The following CAMTA1 variants were observed in gnomAD, a reference collection of about 807,000 sequenced individuals.
CAMTA1 encodes the protein calmodulin binding transcription activator 1.
A neutral mutation model predicts 170.9 loss-of-function variants in CAMTA1; 27 were observed. The ratio of observed to expected loss-of-function variants is 0.16; its 90% confidence interval spans 0.12 to 0.22. The LOEUF (loss-of-function observed/expected upper bound fraction) is 0.22, where lower values mean the gene tolerates loss of function less well. CAMTA1 is among the 10% of genes least tolerant of loss of function. CAMTA1 has a pLI of 1.00. For missense variants in CAMTA1, 1,619 were observed against 2,217.2 expected (o/e 0.73, Z 5.42); for synonymous variants, 833 against 891.5 (o/e 0.93, Z 1.17).
At chr1:7,181,775 A>AAGAC (rs58094609) in intron 4 of CAMTA1, among the ~76,000 whole-genome samples, 98,060 of 151,082 alleles carry the variant, frequency 0.65, 32,577 homozygotes, top group African/African-American at 0.79. Flanking sequence ...CATCATAAAA[A>AAGAC]AGTTTGTCCC....
chr1:7,117,178 C>T (rs1394718426), intron 4 of CAMTA1, among the ~76,000 whole-genome samples: 1 of 151,366 alleles, frequency 6.6e-6, no homozygotes, highest in Non-Finnish European at 1.5e-5. Context: ...GCCATGTTGG[C>T]CAGGCTGGTC....
rs188707285 is a variant in CAMTA1 at position 7,099,475 on chromosome 1, G to A, written c.302+8104G>A. Reference sequence around the variant, plus strand: ...CAGCTCAATCCTGTTTCCCAGGGGCGGCTGCTCTCTGGTCTTTTGGTTCTG... The same window carrying A: ...CAGCTCAATCCTGTTTCCCAGGGGCAGCTGCTCTCTGGTCTTTTGGTTCTG... On this transcript the variant is annotated intron_variant, in intron 4 of 22. Coordinates refer to ENST00000303635, the MANE Select transcript of CAMTA1 (RefSeq NM_015215.4). Among the ~76,000 whole-genome samples the A allele has an allele frequency of 9.2e-5, 14 of 152,278 alleles. No homozygotes were observed. The East Asian group carries it at 9.6e-4, about 10-fold the overall frequency.
intron 1 of CAMTA1, among the ~76,000 whole-genome samples, chr1:6,805,410 A>G (rs1054307043): frequency 2.0e-5 from 3 of 152,232 alleles, no homozygotes; most frequent in Non-Finnish European, 2.9e-5. Flanking sequence ...AATTCTTTAT[A>G]TGTGTTCTAG....
intron 3 of CAMTA1, among the ~76,000 whole-genome samples, chr1:6,871,024 A>C (rs936437528): frequency 2.0e-5 from 3 of 152,192 alleles, no homozygotes; most frequent in Non-Finnish European, 4.4e-5. Flanking sequence ...CTATCCTTTT[A>C]AAAAACATAA....
chr1:7,422,815 T>C (rs1376796739), intron 5 of CAMTA1, among the ~76,000 whole-genome samples: 1 of 152,104 alleles, frequency 6.6e-6, no homozygotes, highest in Admixed American at 6.5e-5. Context: ...CCCCCCTACA[T>C]TGGGGTCTGC....
rs2094526455 is a variant in CAMTA1, at chr1:7,534,433, G to A, written c.510+66532G>A. Among the ~76,000 whole-genome samples the A allele has an allele frequency of 6.6e-6, 1 of 152,194 alleles. No homozygotes were observed. The highest frequency in any genetic ancestry group is 6.5e-5 in the Admixed American group (1 of 15,276). ...GGGAGGAGAAGCCACTGTGGATGGA[G>A]TGTTATTTGTCCAAATGAATTTGTG... On this transcript the variant is annotated intron_variant, in intron 6 of 22. Transcript: ENST00000303635. The surrounding 1 kb of genome is among the most constrained non-coding windows in gnomAD (Gnocchi z 5.6).
At chr1:7,518,553 G>A (rs552171914) in intron 6 of CAMTA1, among the ~76,000 whole-genome samples, 234 of 152,124 alleles carry the variant, frequency 1.5e-3, no homozygotes, top group South Asian at 0.012. Context: ...TGAACAGAGC[G>A]TGTTGTCGGG....
At chr1:7,298,369 G>T (rs1674283595) in intron 5 of CAMTA1, among the ~76,000 whole-genome samples, 1 of 152,156 alleles carries the variant, frequency 6.6e-6, no homozygotes, top group African/African-American at 2.4e-5. Context: ...TCACTGACAA[G>T]TTCCTGTGGA....
rs60524573 is a variant in CAMTA1, at chr1:7,353,410, CT to C, written c.438+103796del. Among the ~76,000 whole-genome samples, 1,174 of 134,744 alleles carry C rather than the reference CT, an allele frequency of 8.7e-3. 9 individuals carry two copies. Among genetic ancestry groups the C allele is most frequent in the African/African-American group, 0.024 (796 of 32,980 alleles). 88.4% of individuals were successfully genotyped at this position (134,744 alleles called of 152,430 possible). ...AACTTAATACAACCAAATCTGAACT[CT>C]TTTTTTTTTTTCTTTCTCTCTTTTT... On this transcript the variant is annotated intron_variant, in intron 5 of 22. Coordinates refer to ENST00000303635, the MANE Select transcript of CAMTA1 (RefSeq NM_015215.4).
intron 4 of CAMTA1, among the ~76,000 whole-genome samples, chr1:7,134,499 G>C (rs965850602): frequency 1.3e-5 from 2 of 151,984 alleles, no homozygotes; most frequent in Non-Finnish European, 2.9e-5. Context: ...TTTAGAGACA[G>C]GTCTCACTAT....
At chr1:7,103,636 CA>C (rs2148283247) in intron 4 of CAMTA1, among the ~76,000 whole-genome samples, 1 of 127,402 alleles carries the variant, frequency 7.8e-6, no homozygotes, top group African/African-American at 3.1e-5. Context: ...CAACTACACA[CA>C]CGCACACACA....
At chr1:6,962,987 T>A (rs1041561317) in intron 3 of CAMTA1, among the ~76,000 whole-genome samples, 3 of 148,106 alleles carry the variant, frequency 2.0e-5, no homozygotes, top group African/African-American at 7.5e-5. Flanking sequence ...CGTCTGGCCC[T>A]GCCCATTCCC....
At chr1:7,360,294 G>C (rs930641523) in intron 5 of CAMTA1, among the ~76,000 whole-genome samples, 2 of 152,214 alleles carry the variant, frequency 1.3e-5, no homozygotes, top group African/African-American at 2.4e-5. Flanking sequence ...GGTGCATCCT[G>C]TTCACATGGG....
At chr1:6,996,353 C>T (rs1189374454) in intron 3 of CAMTA1, among the ~76,000 whole-genome samples, 2 of 152,190 alleles carry the variant, frequency 1.3e-5, no homozygotes, top group Admixed American at 1.3e-4. Context: ...TTAGCAGATA[C>T]TTCGCTGAGT....
chr1:7,219,572 A>AAAG (rs1491097511), intron 4 of CAMTA1: 2 of 116,508 alleles, frequency 1.7e-5, no homozygotes, highest in South Asian at 3.1e-4. Context: ...AAAAAAAAAA[A>AAAG]GGAGACACAC....
At chr1:7,568,047 A>C (rs1351408448) in intron 6 of CAMTA1, among the ~76,000 whole-genome samples, 1 of 152,152 alleles carries the variant, frequency 6.6e-6, no homozygotes, top group Non-Finnish European at 1.5e-5. Flanking sequence ...TGATCAATAA[A>C]TGTTTACCAT....
rs752011665 is a variant in CAMTA1, at chr1:7,663,493, A to G, written c.946A>G (p.Ser316Gly). Residue 316 changes from serine to glycine, a missense_variant, in exon 9 of 23, where the codon AGC (serine) becomes GGC (glycine). Ser to Gly is a moderately conservative substitution (Grantham distance 56). This residue lies in a region of CAMTA1 where 731 missense variants were observed against 907.6 expected (regional missense o/e 0.81). Coordinates refer to ENST00000303635, the MANE Select transcript of CAMTA1 (RefSeq NM_015215.4). Reference sequence around the variant, plus strand: ...CGTGTCGGAGGGCAAGCACGAGCACAGCCACAGCAAGGGCTCCAGCCGTGA... The same window carrying G: ...CGTGTCGGAGGGCAAGCACGAGCACGGCCACAGCAAGGGCTCCAGCCGTGA... Reference protein sequence around the residue: ...NDVSEGKHEHSHSKGSSREKR... With the variant: ...NDVSEGKHEHGHSKGSSREKR... 2.0e-5 allele frequency: 32 copies of G among 1,599,378 alleles called. No individual in the cohort carries two copies. In the Middle Eastern group the frequency reaches 5.0e-4, roughly 25 times the overall value.
At chr1:7,255,353 G>A (rs974478571) in intron 5 of CAMTA1, among the ~76,000 whole-genome samples, 1 of 152,104 alleles carries the variant, frequency 6.6e-6, no homozygotes, top group African/African-American at 2.4e-5. Flanking sequence ...TGTGTCTTCG[G>A]TCTGTGGACA....
intron 5 of CAMTA1, among the ~76,000 whole-genome samples, chr1:7,356,554 G>A (rs1421482111): frequency 2.0e-5 from 3 of 152,182 alleles, no homozygotes; most frequent in Non-Finnish European, 4.4e-5. Flanking sequence ...GTGCATGAGT[G>A]ACTGCCACCG....
Sources: gnomAD v4.1 joint callset for allele counts (sites outside exome capture counted in the v4.1 genomes callset) on GRCh38, gnomAD v4.1.1 for gene constraint, gnomAD v4.1.1 regional missense constraint, Gnocchi (gnomAD v3.1) non-coding constraint, MANE v1.5 for transcripts, NCBI Gene and HGNC (gene_info 2026-07-23, HGNC 2026-07-21) for gene names.